SYN3: variants seen among roughly 807,000 people sequenced by gnomAD.
SYN3 encodes synapsin-3.
SYN3 carries 35 observed loss-of-function variants against 65.8 expected under a neutral mutation model. The observed-to-expected ratio is 0.53, with a 90% CI of 0.41 to 0.70. The LOEUF (loss-of-function observed/expected upper bound fraction) is 0.70. Among genes scored for constraint, SYN3 ranks in the 30% least tolerant of loss-of-function variants. The pLI, the probability that SYN3 is intolerant of heterozygous loss-of-function variation, is 0.00. For missense variants in SYN3, 680 were observed against 749.0 expected (o/e 0.91, Z 1.08); for synonymous variants, 270 against 292.9 (o/e 0.92, Z 0.80).
chr22:32,556,287 T>C (rs1414405861), intron 7 of SYN3, among the ~76,000 whole-genome samples: 2 of 152,238 alleles, frequency 1.3e-5, no homozygotes, highest in African/African-American at 2.4e-5. Flanking sequence ...TATGTGCTTA[T>C]TGGGCAGTGC....
At chr22:32,538,302 T>C (rs1252332349) in intron 8 of SYN3, among the ~76,000 whole-genome samples, 192 bp from the exon 9 acceptor site, 2 of 152,266 alleles carry the variant, frequency 1.3e-5, no homozygotes, top group African/African-American at 4.8e-5. Context: ...GTTTGCCTTT[T>C]TTATTTGTTG....
intron 3 of SYN3, among the ~76,000 whole-genome samples, chr22:32,934,195 C>A (rs755519827): frequency 6.6e-6 from 1 of 152,134 alleles, no homozygotes; most frequent in Non-Finnish European, 1.5e-5. Context: ...GATAAAAAGA[C>A]ATTAGAAGAA....
Position 32,965,071 on chromosome 22 carries a change from C to T in SYN3, c.369+15574G>A, listed in dbSNP as rs867618142. On this transcript the variant is annotated intron_variant, in intron 3 of 13. Transcript: ENST00000358763. ...CATCTGGGTCCACATCTCAGCTCTGCCATCTCCTAGCTGTGTCGCCTCGGG... is the reference window on the plus strand; with the variant it reads ...CATCTGGGTCCACATCTCAGCTCTGTCATCTCCTAGCTGTGTCGCCTCGGG... Among the ~76,000 whole-genome samples the T allele has an allele frequency of 2.6e-5, 4 of 152,324 alleles. No homozygotes were observed. The Middle Eastern group carries it at 0.01, about 389-fold the overall frequency.
At chr22:32,994,539 G>C (rs1010738565) in intron 2 of SYN3, among the ~76,000 whole-genome samples, 1 of 152,176 alleles carries the variant, frequency 6.6e-6, no homozygotes, top group African/African-American at 2.4e-5. Flanking sequence ...CTTGTTCAAG[G>C]AGAGCCTTAG....
chr22:32,583,412 TCTC>T (rs1246797210), intron 7 of SYN3: 1 of 152,148 alleles, frequency 6.6e-6, no homozygotes, highest in Non-Finnish European at 1.5e-5. Flanking sequence ...GGATCATGCT[TCTC>T]CTGCCTGCTG....
At chr22:32,826,497 G>T (rs2146097936) in intron 6 of SYN3, among the ~76,000 whole-genome samples, 1 of 152,234 alleles carries the variant, frequency 6.6e-6, no homozygotes, top group Admixed American at 6.5e-5. Flanking sequence ...AGAGCATGGA[G>T]AAAGTAGAAA....
intron 3 of SYN3, among the ~76,000 whole-genome samples, chr22:32,941,653 C>T (rs1474948448): frequency 6.6e-6 from 1 of 152,146 alleles, no homozygotes; most frequent in Non-Finnish European, 1.5e-5. Context: ...GGCGAGGCAT[C>T]GCCTCACCCG....
At chr22:33,035,921 C>T (rs1052055025) in intron 1 of SYN3, among the ~76,000 whole-genome samples, 1 of 152,120 alleles carries the variant, frequency 6.6e-6, no homozygotes, top group Non-Finnish European at 1.5e-5. Context: ...AAGCTAATAA[C>T]GTTGACTATA....
chr22:32,966,946 T>C (rs2051864208), intron 3 of SYN3, among the ~76,000 whole-genome samples: 1 of 152,056 alleles, frequency 6.6e-6, no homozygotes, highest in South Asian at 2.1e-4. Context: ...AAAAGAACCA[T>C]AAACACAGAT....
rs149020843 is a variant in SYN3, at chr22:32,949,567, C to T, written c.370-18086G>A. Reference sequence around the variant, plus strand: ...CCACACACACGCATGCATGCGTGCACGCACACAGGAATAGAGATGGAATGC... The same window carrying T: ...CCACACACACGCATGCATGCGTGCATGCACACAGGAATAGAGATGGAATGC... On this transcript the variant is annotated intron_variant, in intron 3 of 13. Transcript: ENST00000358763. Among the ~76,000 whole-genome samples, 313 of 152,194 alleles carry T rather than the reference C, an allele frequency of 2.1e-3. 1 individual carries two copies. The highest frequency in any genetic ancestry group is 7.2e-3 in the African/African-American group (300 of 41,512).
At chr22:32,724,440 C>A (rs2061161890) in intron 6 of SYN3, among the ~76,000 whole-genome samples, 1 of 152,102 alleles carries the variant, frequency 6.6e-6, no homozygotes, top group Admixed American at 6.5e-5. Context: ...TGCCTATTCC[C>A]AGCTGAGTGA....
At chr22:32,845,542 C>T (rs879303211) in intron 6 of SYN3, among the ~76,000 whole-genome samples, 8 of 152,126 alleles carry the variant, frequency 5.3e-5, no homozygotes, top group Non-Finnish European at 1.0e-4. Context: ...TCAGTGGAAG[C>T]GGGAAATAGG....
chr22:32,803,339 G>A (rs2046642701), intron 6 of SYN3, among the ~76,000 whole-genome samples: 1 of 152,188 alleles, frequency 6.6e-6, no homozygotes, highest in Admixed American at 6.5e-5. Context: ...GGAGGGGGAG[G>A]AGGTAGGAGC....
At chr22:32,723,747 G>A (rs999215192) in intron 6 of SYN3, among the ~76,000 whole-genome samples, 1 of 152,218 alleles carries the variant, frequency 6.6e-6, no homozygotes, top group African/African-American at 2.4e-5. Flanking sequence ...TTAAGGAACT[G>A]GCAGGTTGAA....
chr22:32,895,036 A>G (rs2049552881), intron 4 of SYN3, among the ~76,000 whole-genome samples: 1 of 152,234 alleles, frequency 6.6e-6, no homozygotes, highest in Non-Finnish European at 1.5e-5. Flanking sequence ...CGTAGTTTAC[A>G]TCTCAGCTGA....
intron 6 of SYN3, among the ~76,000 whole-genome samples, chr22:32,822,541 T>C (rs1435359036): frequency 6.6e-6 from 1 of 152,252 alleles, no homozygotes; most frequent in Admixed American, 6.5e-5. Flanking sequence ...GCAATCTTAC[T>C]TCTAGAAATT....
intron 6 of SYN3, among the ~76,000 whole-genome samples, chr22:32,781,944 A>G (rs2046075973): frequency 1.3e-5 from 2 of 152,146 alleles, no homozygotes; most frequent in South Asian, 2.1e-4. Context: ...TTATTTCGCA[A>G]TGAAGTTTTC....
At chr22:32,544,241 A>G (rs926173157) in intron 7 of SYN3, among the ~76,000 whole-genome samples, 5 of 152,144 alleles carry the variant, frequency 3.3e-5, no homozygotes, top group Non-Finnish European at 5.9e-5. Context: ...CCTGGCCCCT[A>G]TTATGTGGGT....
rs138797489 is a variant in SYN3, at chr22:32,527,211, C to A, written c.1318+707G>T. On this transcript the variant is annotated intron_variant, in intron 12 of 13. Coordinates refer to ENST00000358763, the MANE Select transcript of SYN3 (RefSeq NM_003490.4). ...GTCGACTCACAAATCTATCATCAGG[C>A]ACCACTCATTGAAATGAATAAACAC... is the stretch of plus-strand genomic sequence containing the variant. Among the ~76,000 whole-genome samples, 3 of 152,318 alleles carry A rather than the reference C, an allele frequency of 2.0e-5. No homozygotes were observed. The East Asian group carries it at 5.8e-4, about 29-fold the overall frequency.
Sources: gnomAD v4.1 joint callset for allele counts (sites outside exome capture counted in the v4.1 genomes callset) on GRCh38, gnomAD v4.1.1 for gene constraint, MANE v1.5 for transcripts, NCBI Gene and HGNC (gene_info 2026-07-23, HGNC 2026-07-21) for gene names.